The following CYP4V2 variants were observed in gnomAD, a reference collection of about 807,000 sequenced individuals.
CYP4V2 encodes the protein cytochrome P450 family 4 subfamily V member 2.
Under a neutral mutation model 60.8 loss-of-function variants are expected in CYP4V2, and 55 were observed. That is an observed-to-expected ratio of 0.90 (90% CI 0.73 to 1.13). CYP4V2 has a LOEUF of 1.13. Among genes scored for constraint, CYP4V2 ranks in the 50% most tolerant of loss-of-function variants. The pLI is 0.00. For synonymous variants in CYP4V2, 239 were observed against 236.8 expected, an observed-to-expected ratio of 1.01 and a Z score of -0.08; for missense variants, 675 against 662.9, an observed-to-expected ratio of 1.02 and a Z score of -0.20.
chr4:186,208,911 G>C lies in CYP4V2; in HGVS notation c.1137G>C (p.Arg379=). The C allele has an allele frequency of 6.2e-7, 1 of 1,614,162 alleles. No individual in the cohort carries two copies. Among genetic ancestry groups the C allele is most frequent in the Non-Finnish European group, 8.5e-7 (1 of 1,180,026 alleles). The change falls in exon 9 of 11, where the codon CGG becomes CGC. Residue 379 remains arginine, a synonymous_variant. Coordinates refer to ENST00000378802, the MANE Select transcript of CYP4V2 (RefSeq NM_207352.4). The part of the protein sequence containing the change: ...PATVEDLKKL[R]YLECVIKETL... ...CAGTAGAAGACCTGAAGAAACTTCG[G>C]TATCTGGAATGTGTTATTAAGGAGA...
intron 4 of CYP4V2, 179 bp from the exon 5 acceptor site, chr4:186,197,354 A>G: frequency 1.2e-6 from 1 of 845,138 alleles, no homozygotes; most frequent in Non-Finnish European, 1.9e-6. Flanking sequence ...GGGAAGGAAG[A>G]ACAGGAACAG....
At chr4:186,199,623 G>A (rs896670689) in intron 6 of CYP4V2, among the ~76,000 whole-genome samples, 2 of 152,186 alleles carry the variant, frequency 1.3e-5, no homozygotes, top group African/African-American at 4.8e-5. Flanking sequence ...TCTGGAAAAT[G>A]TTTGGATTCG....
intron 5 of CYP4V2, 150 bp from the exon 6 acceptor site, chr4:186,198,807 T>C (rs1314665745): frequency 8.5e-7 from 1 of 1,180,290 alleles, no homozygotes. Flanking sequence ...ATGCCTTCAC[T>C]GCTAAGCATA....
chr4:186,208,361 G>A (rs1736593353), intron 8 of CYP4V2, among the ~76,000 whole-genome samples: 1 of 151,446 alleles, frequency 6.6e-6, no homozygotes, highest in Non-Finnish European at 1.5e-5. Context: ...CTTCTTTGAA[G>A]GGTATTTGAT....
At chr4:186,202,789 C>A (rs1736355249) in intron 7 of CYP4V2, 1 of 150,438 alleles carries the variant, frequency 6.6e-6, no homozygotes, top group Non-Finnish European at 1.5e-5. Context: ...TCCACATGCG[C>A]ACACACGTGC....
At chr4:186,208,522 T>C (rs981698800) in intron 8 of CYP4V2, among the ~76,000 whole-genome samples, 4 of 111,052 alleles carry the variant, frequency 3.6e-5, no homozygotes, top group Non-Finnish European at 1.9e-5. Flanking sequence ...ACGTGTTCTT[T>C]GATGGGTATT....
chr4:186,204,972 G>A (rs1736453231), intron 7 of CYP4V2: 4 of 589,522 alleles, frequency 6.8e-6, no homozygotes, highest in South Asian at 5.6e-5. Context: ...TCCCACCAGC[G>A]TGCAACACCG....
intron 1 of CYP4V2, among the ~76,000 whole-genome samples, chr4:186,193,488 C>T (rs1432694806): frequency 6.6e-6 from 1 of 152,192 alleles, no homozygotes; most frequent in Non-Finnish European, 1.5e-5. Context: ...AACCACTGTT[C>T]AATTTCCAAC....
intron 8 of CYP4V2, among the ~76,000 whole-genome samples, chr4:186,208,207 CCCTGCCTTG>C (rs1736588258): frequency 7.1e-6 from 1 of 140,306 alleles, no homozygotes; most frequent in African/African-American, 2.7e-5. Flanking sequence ...ATTTAGCATC[CCCTGCCTTG>C]ATCCACATGT....
rs556923527 is a variant in CYP4V2, at chr4:186,211,640, C to T, written c.*999C>T. On this transcript the variant is annotated 3_prime_UTR_variant, in exon 11 of 11. Coordinates refer to ENST00000378802, the MANE Select transcript of CYP4V2 (RefSeq NM_207352.4). ...AGTTCTAGAATTTTTTAAAGGTATT[C>T]ATGGTGACTCAGGAATACACACATA... is the stretch of plus-strand genomic sequence containing the variant. 12 of 146,422 alleles carry T rather than the reference C, an allele frequency of 8.2e-5. No homozygotes were observed. In the Admixed American group the frequency reaches 8.2e-4, roughly 10 times the overall value. 9.1% of individuals were successfully genotyped at this position (146,422 alleles called of 1,614,324 possible).
chr4:186,210,103 A>G (rs1029713945), intron 10 of CYP4V2, among the ~76,000 whole-genome samples: 4 of 152,338 alleles, frequency 2.6e-5, no homozygotes, highest in African/African-American at 9.6e-5. Flanking sequence ...GTAAATGCAG[A>G]CATCGGTAAA....
Position 186,205,180 on chromosome 4 carries a change from ATTG to A in CYP4V2, c.988-17_988-15del. 6.2e-7 allele frequency: 1 copy of A among 1,611,648 alleles called. No homozygotes were observed. The highest frequency in any genetic ancestry group is 8.5e-7 in the Non-Finnish European group (1 of 1,177,698). On this transcript the variant is annotated splice_polypyrimidine_tract_variant and intron_variant, in intron 7 of 10. Coordinates refer to ENST00000378802, the MANE Select transcript of CYP4V2 (RefSeq NM_207352.4). ...GCAGCATAACTCTGCTTTTTAAGCT[ATTG>A]TTTTCTGCATTTGTAGGGGCACGAT...
chr4:186,205,124 C>G, intron 7 of CYP4V2, 76 bp from the exon 8 acceptor site: 1 of 1,363,050 alleles, frequency 7.3e-7, no homozygotes. Context: ...AGAGACAATT[C>G]AAAAGAGGTT....
rs142762868 is a variant in CYP4V2, at chr4:186,206,212, G to GGT, written c.1090+924_1090+925dup. ...TGTGCACGCACGTGCATGCATGTGTGGTGTGTGTGTGTGTGCATGTGTGTG... is the reference window on the plus strand; with the variant it reads ...TGTGCACGCACGTGCATGCATGTGTGGTGTGTGTGTGTGTGTGCATGTGTGTG... On this transcript the variant is annotated intron_variant, in intron 8 of 10. Transcript: ENST00000378802. 2.0e-3 allele frequency among the ~76,000 whole-genome samples: 309 copies of GGT among 151,642 alleles called. 5 individuals carry two copies. The East Asian group carries it at 0.032, about 16-fold the overall frequency.
chr4:186,204,418 T>TGGCGTAAGAGGTGGAGGTGGAGACGCTA (rs1736433170), intron 7 of CYP4V2: 4 of 97,200 alleles, frequency 4.1e-5, no homozygotes, highest in African/African-American at 1.9e-4. Context: ...TGGAGACGTT[T>TGGCGTAAGAGGTGGAGGTGGAGACGCTA]CGCTGGCGTA....
chr4:186,199,334 TA>T (rs1257382217), intron 6 of CYP4V2, among the ~76,000 whole-genome samples: 3 of 152,190 alleles, frequency 2.0e-5, no homozygotes, highest in African/African-American at 2.4e-5. Flanking sequence ...ATTTTTCATA[TA>T]AAAAATTATA....
intron 3 of CYP4V2, 24 bp downstream of exon 3, chr4:186,196,112 G>A (rs752819969): frequency 6.3e-7 from 1 of 1,584,574 alleles, no homozygotes; most frequent in East Asian, 2.2e-5. Context: ...CCTTTGTAAA[G>A]CTGTCTATAG....
chr4:186,207,412 C>CAAA lies in CYP4V2; in HGVS notation c.1091-1442_1091-1440dup, dbSNP rs10651706. On this transcript the variant is annotated intron_variant, in intron 8 of 10. Coordinates refer to ENST00000378802, the MANE Select transcript of CYP4V2 (RefSeq NM_207352.4). ...GGGCAGCAGAGCAAGACTCTGTCTC[C>CAAA]AAAAAAAAAAAAAGAAAGAAAGAAA... 3.9e-3 allele frequency among the ~76,000 whole-genome samples: 460 copies of CAAA among 117,862 alleles called. 11 individuals carry two copies. Among genetic ancestry groups the CAAA allele is most frequent in the African/African-American group, 0.014 (407 of 30,062 alleles). The allele number at this position is 117,862 out of a possible 152,430, so 77.3% of individuals were successfully genotyped here. A position where few individuals can be genotyped will look rare whatever the true frequency, so the allele number is the denominator to read the frequency against.
intron 8 of CYP4V2, among the ~76,000 whole-genome samples, chr4:186,206,417 A>G (rs1025101425): frequency 2.6e-5 from 4 of 152,350 alleles, no homozygotes; most frequent in African/African-American, 9.6e-5. Flanking sequence ...GGGGCCCATT[A>G]TCAGTCTGCC....
Sources: gnomAD v4.1 joint callset for allele counts (sites outside exome capture counted in the v4.1 genomes callset) on GRCh38, gnomAD v4.1.1 for gene constraint, MANE v1.5 for transcripts, NCBI Gene and HGNC (gene_info 2026-07-23, HGNC 2026-07-21) for gene names.